Variants in PECR observed in about 807,000 individuals in gnomAD.
The protein encoded by PECR is 2,4-dienoyl-CoA reductase-related protein.
A neutral mutation model predicts 35.3 loss-of-function variants in PECR; 30 were observed. The observed-to-expected ratio is 0.85, with a 90% CI of 0.64 to 1.15. The LOEUF (loss-of-function observed/expected upper bound fraction) is 1.15. PECR is among the 50% of genes most tolerant of loss of function. PECR has a pLI of 0.00. For synonymous variants in PECR, 148 were observed against 138.9 expected, an observed-to-expected ratio of 1.07 and a Z score of -0.46; for missense variants, 392 against 370.8, an observed-to-expected ratio of 1.06 and a Z score of -0.47.
downstream of PECR, among the ~76,000 whole-genome samples, chr2:216,035,854 C>T (rs1694785873): frequency 6.6e-6 from 1 of 152,144 alleles, no homozygotes; most frequent in African/African-American, 2.4e-5. Context: ...CTGCTATTCT[C>T]ATGTTCAAGT....
chr2:216,054,418 C>A (rs1175482836), intron 4 of PECR, among the ~76,000 whole-genome samples: 1 of 138,556 alleles, frequency 7.2e-6, no homozygotes, highest in Non-Finnish European at 1.5e-5. Flanking sequence ...TCACTCCAAC[C>A]TCTACCTCCC....
chr2:216,049,449 C>T (rs1695061194), intron 5 of PECR, 76 bp from the exon 6 acceptor site: 1 of 685,914 alleles, frequency 1.5e-6, no homozygotes, highest in Non-Finnish European at 2.6e-6. Flanking sequence ...TCAAGATACT[C>T]TACTGGCATT....
chr2:216,080,360 G>T (rs1695812058), intron 1 of PECR, among the ~76,000 whole-genome samples: 1 of 152,226 alleles, frequency 6.6e-6, no homozygotes, highest in Admixed American at 6.5e-5. Context: ...ACAGGCGTGA[G>T]CCACTGCGCC....
chr2:216,071,817 C>T lies in PECR; in HGVS notation c.125-5299G>A, dbSNP rs375136774. Among the ~76,000 whole-genome samples, 63 of 152,196 alleles carry T rather than the reference C, an allele frequency of 4.1e-4. 1 individual carries two copies. The highest frequency in any genetic ancestry group is 1.4e-3 in the African/African-American group (58 of 41,510). Reference sequence around the variant, plus strand: ...TTATCCCTACTTATCTCTATTTGTCCCTGCAGGCCTCTTTAGGTCCCTTCA... The same window carrying T: ...TTATCCCTACTTATCTCTATTTGTCTCTGCAGGCCTCTTTAGGTCCCTTCA... On this transcript the variant is annotated intron_variant, in intron 1 of 7. Coordinates refer to ENST00000265322, the MANE Select transcript of PECR (RefSeq NM_018441.6).
chr2:216,029,357 A>T lies in PECR; in HGVS notation c.*440+9834T>A, dbSNP rs568055962. 1.0e-3 allele frequency among the ~76,000 whole-genome samples: 159 copies of T among 152,314 alleles called. 1 individual carries two copies. The highest frequency in any genetic ancestry group is 3.6e-3 in the African/African-American group (149 of 41,570). On this transcript the variant is annotated intron_variant and NMD_transcript_variant, in intron 7 of 7. Coordinates refer to the PECR transcript ENST00000442122. ...GCTGGGCGTGGTGGCGCGCTTCTGT[A>T]GTCCCAGCTACTCAGGAGGCTGAGG...
Position 216,043,866 on chromosome 2 carries a change from G to C in PECR, c.826+38C>G, listed in dbSNP as rs753708257. On this transcript the variant is annotated intron_variant, in intron 7 of 7. Transcript: ENST00000265322. The stretch of plus-strand genomic sequence containing the variant: ...ATTTTAAACCCCTGAACATGACACA[G>C]CATAAAGCTGGTGACTGCTCATTCC... The C allele has an allele frequency of 1.0e-5, 11 of 1,051,342 alleles. No homozygotes were observed. In the East Asian group the frequency reaches 2.6e-4, roughly 25 times the overall value. 65.1% of individuals were successfully genotyped at this position (1,051,342 alleles called of 1,614,324 possible). A position where few individuals can be genotyped will look rare whatever the true frequency, so the allele number is the denominator to read the frequency against.
At chr2:216,060,657 A>T (rs1248888848) in intron 3 of PECR, among the ~76,000 whole-genome samples, 1 of 151,932 alleles carries the variant, frequency 6.6e-6, no homozygotes. Flanking sequence ...ACAGAGCAAG[A>T]CTCTCTCTCC....
chr2:216,050,649 T>C (rs1695095543), intron 5 of PECR: 1 of 152,372 alleles, frequency 6.6e-6, no homozygotes, highest in African/African-American at 2.4e-5. Context: ...ACGCCTGTAA[T>C]CCCAGTACTT....
chr2:216,065,399 G>T lies in PECR; in HGVS notation c.337C>A (p.Leu113Ile). The part of the protein sequence containing the change: ...FLVNNGGGQF[L>I]SPAEHISSKG... ...GAACTGATGTGTTCAGCAGGGGAAA[G>T]AAACTGGCCTCCTCCATTGTTCACC... is the stretch of plus-strand genomic sequence containing the variant. The change falls in exon 3 of 8, where the codon CTT (leucine) becomes ATT (isoleucine). Residue 113 changes from leucine (L) to isoleucine (I), a missense_variant. Physicochemically the swap from Leu to Ile is conservative, Grantham distance 5. Transcript: ENST00000265322. 6.2e-7 allele frequency: 1 copy of T among 1,608,560 alleles called. No homozygotes were observed.
chr2:216,036,136 C>T (rs1000610392), downstream of PECR, among the ~76,000 whole-genome samples: 11 of 152,168 alleles, frequency 7.2e-5, no homozygotes, highest in African/African-American at 2.4e-4. Flanking sequence ...GTGAAGGAGA[C>T]GAAAGAGTGA....
chr2:216,072,499 T>C (rs1695610233), intron 1 of PECR, among the ~76,000 whole-genome samples: 1 of 152,174 alleles, frequency 6.6e-6, no homozygotes, highest in Admixed American at 6.5e-5. Context: ...ACAGGTAATT[T>C]TTCAACCCTC....
chr2:216,077,109 G>A (rs1199931408), intron 1 of PECR, among the ~76,000 whole-genome samples: 2 of 151,912 alleles, frequency 1.3e-5, no homozygotes, highest in East Asian at 3.9e-4. Context: ...ATGTTGGTCA[G>A]GCTGATCTCG....
rs201925622 is a variant in PECR, at chr2:216,031,429, A to AAAAGAAAGAAAGAAAGAAAAAG, written c.*440+7761_*440+7762insCTTTTTCTTTCTTTCTTTCTTT. Among the ~76,000 whole-genome samples the AAAAGAAAGAAAGAAAGAAAAAG allele has an allele frequency of 2.3e-3, 173 of 74,640 alleles. 2 individuals carry two copies. The highest frequency in any genetic ancestry group is 0.012 in the Admixed American group (68 of 5,652). 49.0% of individuals were successfully genotyped at this position (74,640 alleles called of 152,430 possible). A position where few individuals can be genotyped will look rare whatever the true frequency, so the allele number is the denominator to read the frequency against. On this transcript the variant is annotated intron_variant and NMD_transcript_variant, in intron 7 of 7. Transcript: ENST00000442122. ...GAAAGGAAGAAAGGAAGAAAGAAAGAAAAGAAAGAAAGAAAAAGAAAGAAA... is the reference window on the plus strand; with the variant it reads ...GAAAGGAAGAAAGGAAGAAAGAAAGAAAAGAAAGAAAGAAAGAAAAAGAAAGAAAGAAAGAAAAAGAAAGAAA...
At chr2:216,032,063 T>C (rs944511042) in intron 7 of PECR, among the ~76,000 whole-genome samples, 6 of 152,242 alleles carry the variant, frequency 3.9e-5, no homozygotes, top group Admixed American at 6.5e-5. Flanking sequence ...AGACAGCTTT[T>C]CATGCAGAAG....
chr2:216,051,632 GACAGAATTCC>G, intron 4 of PECR, 87 bp from the exon 5 acceptor site: 1 of 845,498 alleles, frequency 1.2e-6, no homozygotes, highest in South Asian at 1.4e-5. Context: ...CCAACTACCT[GACAGAATTCC>G]ACAAGAGACT....
rs753749966 is a variant in PECR at position 216,065,472 on chromosome 2, A to T, written c.264T>A (p.Asn88Lys). ...TATCTAAGGTAGATTTGACCAAATTATTCACCTAAAGAAGAACAGTAGAAG... is the reference window on the plus strand; with the variant it reads ...TATCTAAGGTAGATTTGACCAAATTTTTCACCTAAAGAAGAACAGTAGAAG... ...QCNIRNEEEVNNLVKSTLDTF... is the reference protein window; with the variant it reads ...QCNIRNEEEVKNLVKSTLDTF... The change falls in exon 3 of 8, where the codon AAT (asparagine) becomes AAA (lysine). Residue 88 changes from asparagine (N) to lysine (K), a missense_variant. By Grantham distance (94) the Asn-to-Lys change is moderately conservative (BLOSUM62 0). Coordinates refer to ENST00000265322, the MANE Select transcript of PECR (RefSeq NM_018441.6). The T allele has an allele frequency of 1.3e-5, 20 of 1,587,898 alleles. No homozygotes were observed. The highest frequency in any genetic ancestry group is 1.7e-5 in the Admixed American group (1 of 59,966).
chr2:216,055,078 C>T (rs1252719933), intron 4 of PECR, among the ~76,000 whole-genome samples: 2 of 146,280 alleles, frequency 1.4e-5, no homozygotes, highest in Non-Finnish European at 3.0e-5. Context: ...CACCACTGCA[C>T]TCCAGCCTGG....
At chr2:216,036,087 C>T (rs1420994335), downstream of PECR, among the ~76,000 whole-genome samples, 1 of 152,194 alleles carries the variant, frequency 6.6e-6, no homozygotes, top group Non-Finnish European at 1.5e-5. Flanking sequence ...GCATGGAATC[C>T]CATGGGGCAT....
intron 7 of PECR, among the ~76,000 whole-genome samples, chr2:216,029,219 C>T (rs1300972147): frequency 6.6e-6 from 1 of 152,126 alleles, no homozygotes; most frequent in East Asian, 1.9e-4. Context: ...GTGGCTCACG[C>T]CTGTAATCCC....
Sources: allele counts gnomAD v4.1 joint callset (sites outside exome capture counted in the v4.1 genomes callset), GRCh38; gene constraint gnomAD v4.1.1; transcripts MANE v1.5; gene names NCBI Gene and HGNC (gene_info 2026-07-23, HGNC 2026-07-21).